The following SETBP1 variants were observed in gnomAD, a reference collection of about 807,000 sequenced individuals.
The protein encoded by SETBP1 is SET-binding protein.
SETBP1 carries 9 observed loss-of-function variants against 101.0 expected under a neutral mutation model. The ratio of observed to expected loss-of-function variants is 0.09; its 90% CI spans 0.05 to 0.16. SETBP1 has a LOEUF of 0.16. Among genes scored for constraint, SETBP1 ranks in the 10% least tolerant of loss-of-function variants. The pLI is 1.00. For synonymous variants in SETBP1, 818 were observed against 788.5 expected (o/e 1.04, Z -0.63); for missense variants, 1,858 against 2,033.8 (o/e 0.91, Z 1.66).
intron 2 of SETBP1, among the ~76,000 whole-genome samples, chr18:44,743,858 C>T (rs990140456): frequency 5.3e-5 from 8 of 152,162 alleles, no homozygotes; most frequent in African/African-American, 1.7e-4. Context: ...GGCAGGATCT[C>T]GGAGAAGTGA....
At position 44,950,626 on chromosome 18, in the gene SETBP1, A is replaced by G. The variant is rs770984582; in HGVS notation, c.1286A>G (p.Glu429Gly). ...AGACAGTCCATTAAAGCGGTGGTGG[A>G]AAAGATCATGCCAGAGAAAGCCTTG... ...KKRQSIKAVV[E>G]KIMPEKALAS... is the part of the protein sequence containing the mutation. Residue 429 changes from glutamate to glycine, a missense_variant, in exon 4 of 6, where the codon GAA becomes GGA. Glu to Gly is a moderately conservative substitution (Grantham distance 98). Coordinates refer to ENST00000649279, the MANE Select transcript of SETBP1 (RefSeq NM_015559.3). 33 of 1,613,986 alleles carry G rather than the reference A, an allele frequency of 2.0e-5. No homozygotes were observed. The highest frequency in any genetic ancestry group is 7.6e-6 in the Non-Finnish European group (9 of 1,180,028).
intron 2 of SETBP1, among the ~76,000 whole-genome samples, chr18:44,848,662 A>G (rs576598570): frequency 1.3e-5 from 2 of 152,372 alleles, no homozygotes; most frequent in South Asian, 4.1e-4. Flanking sequence ...AACTTAAACA[A>G]TGCAAACACA....
intron 2 of SETBP1, among the ~76,000 whole-genome samples, chr18:44,703,762 A>G (rs1321341664): frequency 2.6e-5 from 4 of 152,148 alleles, no homozygotes; most frequent in Admixed American, 6.6e-5. Context: ...ATTTCTGGAT[A>G]CTCTGTCGTG....
At chr18:44,867,947 T>C (rs1222263832) in intron 2 of SETBP1, among the ~76,000 whole-genome samples, 4 of 152,248 alleles carry the variant, frequency 2.6e-5, no homozygotes, top group Non-Finnish European at 4.4e-5. Flanking sequence ...ACATGAAGTC[T>C]TTCCTATTTT....
chr18:45,004,723 G>A (rs1260143916), intron 4 of SETBP1, among the ~76,000 whole-genome samples: 1 of 152,152 alleles, frequency 6.6e-6, no homozygotes, highest in Non-Finnish European at 1.5e-5. Context: ...ACAGGCCTAG[G>A]CAGTGAATCA....
chr18:44,693,323 T>C (rs1055936186), intron 1 of SETBP1, among the ~76,000 whole-genome samples: 1 of 152,124 alleles, frequency 6.6e-6, no homozygotes, highest in African/African-American at 2.4e-5. Flanking sequence ...TAGGCACAGG[T>C]CTTACCCTTC....
intron 2 of SETBP1, among the ~76,000 whole-genome samples, chr18:44,822,171 G>A (rs1256983194): frequency 6.6e-6 from 1 of 152,208 alleles, no homozygotes; most frequent in Non-Finnish European, 1.5e-5. Flanking sequence ...TTCCATGTCT[G>A]ATTTAGGGAG....
chr18:44,751,663 C>T (rs561572863), intron 2 of SETBP1, among the ~76,000 whole-genome samples: 2 of 152,208 alleles, frequency 1.3e-5, no homozygotes, highest in Admixed American at 6.5e-5. Context: ...TATGCTTTTT[C>T]GTATTTCTCA....
chr18:44,862,261 A>G (rs918451354), intron 2 of SETBP1, among the ~76,000 whole-genome samples: 2 of 152,232 alleles, frequency 1.3e-5, no homozygotes, highest in African/African-American at 4.8e-5. Context: ...AAAGAAAAAT[A>G]TAAGGAATCA....
At chr18:44,956,425 T>G (rs2071483056) in intron 4 of SETBP1, among the ~76,000 whole-genome samples, 1 of 152,012 alleles carries the variant, frequency 6.6e-6, no homozygotes, top group Admixed American at 6.6e-5. Context: ...CTAGATGCAT[T>G]AAGAGCTTTC....
At chr18:44,925,988 AG>A (rs1052135512) in intron 3 of SETBP1, among the ~76,000 whole-genome samples, 2 of 152,184 alleles carry the variant, frequency 1.3e-5, no homozygotes, top group Non-Finnish European at 2.9e-5. Context: ...TCAGCTGGGA[AG>A]GGGGAAGTTG....
At chr18:44,793,488 G>A (rs1337395469) in intron 2 of SETBP1, among the ~76,000 whole-genome samples, 1 of 152,138 alleles carries the variant, frequency 6.6e-6, no homozygotes, top group African/African-American at 2.4e-5. Context: ...AGCATTACCT[G>A]GGAACTTGTT....
intron 2 of SETBP1, among the ~76,000 whole-genome samples, chr18:44,806,997 C>T (rs2071757231): frequency 6.6e-6 from 1 of 152,058 alleles, no homozygotes; most frequent in African/African-American, 2.4e-5. Flanking sequence ...TTATTGTTCT[C>T]AGTAAGCCCC....
chr18:45,058,335 T>C (rs971606671), intron 5 of SETBP1, among the ~76,000 whole-genome samples: 6 of 152,178 alleles, frequency 3.9e-5, no homozygotes, highest in Non-Finnish European at 7.4e-5. Flanking sequence ...AGGGGAAAGA[T>C]TTGTGAATAT....
chr18:44,900,190 A>C (rs1011451021), intron 3 of SETBP1, among the ~76,000 whole-genome samples: 1 of 152,204 alleles, frequency 6.6e-6, no homozygotes, highest in African/African-American at 2.4e-5. Flanking sequence ...AGTACCTGTT[A>C]GAAATGCAGG....
At chr18:44,973,964 T>C (rs1450622038) in intron 4 of SETBP1, among the ~76,000 whole-genome samples, 1 of 152,234 alleles carries the variant, frequency 6.6e-6, no homozygotes, top group Non-Finnish European at 1.5e-5. Flanking sequence ...AGAACCATTT[T>C]GTTATTGTTC....
At chr18:44,742,983 C>T (rs1175279326) in intron 2 of SETBP1, among the ~76,000 whole-genome samples, 2 of 148,520 alleles carry the variant, frequency 1.3e-5, no homozygotes, top group Non-Finnish European at 3.0e-5. Context: ...CCCCCTGTCC[C>T]GTTACCCCTT....
intron 2 of SETBP1, among the ~76,000 whole-genome samples, chr18:44,739,840 C>T (rs2070057688): frequency 6.6e-6 from 1 of 152,186 alleles, no homozygotes. Flanking sequence ...TGTGTGAAGA[C>T]TTGACTCTCA....
At chr18:44,878,452 A>G (rs1019935252) in intron 3 of SETBP1, among the ~76,000 whole-genome samples, 3 of 151,926 alleles carry the variant, frequency 2.0e-5, no homozygotes, top group Non-Finnish European at 4.4e-5. Context: ...CTGTATCTCT[A>G]ATGTCTGTGT....
Sources: allele counts gnomAD v4.1 joint callset (sites outside exome capture counted in the v4.1 genomes callset), GRCh38; gene constraint gnomAD v4.1.1; transcripts MANE v1.5; gene names NCBI Gene and HGNC (gene_info 2026-07-23, HGNC 2026-07-21).